ABCA12: variants seen among roughly 807,000 people sequenced by gnomAD.
ABCA12 encodes the protein glucosylceramide transporter ABCA12.
ABCA12 carries 156 observed loss-of-function variants against 293.5 expected under a neutral mutation model. The observed-to-expected ratio is 0.53, with a 90% CI of 0.47 to 0.61. ABCA12 has a LOEUF of 0.61. ABCA12 is among the 20% of genes least tolerant of loss of function. ABCA12 has a pLI of 0.00. For missense variants in ABCA12, 2,797 were observed against 3,090.2 expected, an observed-to-expected ratio of 0.91 and a Z score of 2.25; for synonymous variants, 1,063 against 1,108.0, an observed-to-expected ratio of 0.96 and a Z score of 0.81.
chr2:215,063,792 T>C (rs1002237907), intron 3 of ABCA12, among the ~76,000 whole-genome samples: 2 of 151,928 alleles, frequency 1.3e-5, no homozygotes, highest in Non-Finnish European at 2.9e-5. Context: ...TAAGGTTGGA[T>C]AGAGAATCTT....
At chr2:214,999,749 G>A in intron 22 of ABCA12, 1 of 966,418 alleles carries the variant, frequency 1.0e-6, no homozygotes, top group Non-Finnish European at 1.2e-6. Flanking sequence ...CTCCACAATA[G>A]CCAGCTAACC....
chr2:215,017,908 A>T, intron 14 of ABCA12, 100 bp downstream of exon 14: 1 of 1,535,276 alleles, frequency 6.5e-7, no homozygotes, highest in East Asian at 2.3e-5. Context: ...CCAGATTAGC[A>T]TGCAACTTCT....
chr2:214,959,046 C>T lies in ABCA12; in HGVS notation c.5917G>A (p.Val1973Met), dbSNP rs1381970337. The T allele has an allele frequency of 2.5e-6, 4 of 1,613,884 alleles. No individual in the cohort carries two copies. Among genetic ancestry groups the T allele is most frequent in the Non-Finnish European group, 3.4e-6 (4 of 1,179,806 alleles). ...TACGTGGCTTGTTCTTGGTCTTGCA[C>T]TCCTGGATAAGGATGGCTATACATG... ...IIMYSHPYPG[V>M]QDQEQATISS... Residue 1973 changes from valine (V) to methionine (M), a missense_variant, in exon 40 of 53, where the codon GTG (valine) becomes ATG (methionine). By Grantham distance (21) the Val-to-Met change is conservative (BLOSUM62 1). Around this residue, in one of 3 missense-constraint regions of ABCA12, gnomAD observed 2,130 missense variants for 2,427.0 expected, o/e 0.88. Transcript: ENST00000272895.
Position 215,015,679 on chromosome 2 carries a change from G to A in ABCA12, c.1783-16C>T. 1 of 1,611,662 alleles carries A rather than the reference G, an allele frequency of 6.2e-7. No individual in the cohort carries two copies. The highest frequency in any genetic ancestry group is 1.3e-5 in the African/African-American group (1 of 74,984). ...GAGAAATAATCTGCAAATGGAGGAA[G>A]AAAAATATTTCAACTGTGAATCATT... On this transcript the variant is annotated splice_polypyrimidine_tract_variant and intron_variant, in intron 14 of 52. Transcript: ENST00000272895.
At chr2:215,124,204 A>G (rs1244561860) in intron 1 of ABCA12, among the ~76,000 whole-genome samples, 1 of 152,132 alleles carries the variant, frequency 6.6e-6, no homozygotes, top group Non-Finnish European at 1.5e-5. Context: ...CAATTTTGCA[A>G]TTGTGCATTG....
intron 50 of ABCA12, among the ~76,000 whole-genome samples, chr2:214,941,295 G>C (rs1698393455): frequency 6.6e-6 from 1 of 152,158 alleles, no homozygotes. Context: ...TCTTAAATTT[G>C]ATTGCACTGT....
chr2:214,982,456 T>TAGTG, intron 29 of ABCA12, 73 bp from the exon 30 acceptor site: 2 of 1,204,418 alleles, frequency 1.7e-6, no homozygotes, highest in Non-Finnish European at 2.4e-6. Context: ...ACAATAACCC[T>TAGTG]AATTGATATG....
chr2:214,960,541 T>C (rs944585127), intron 39 of ABCA12: 4 of 152,162 alleles, frequency 2.6e-5, no homozygotes, highest in Non-Finnish European at 4.4e-5. Context: ...ATCATAATTA[T>C]CTCTGTAGGT....
chr2:214,934,876 C>G (rs1334796469), intron 51 of ABCA12, among the ~76,000 whole-genome samples: 1 of 152,046 alleles, frequency 6.6e-6, no homozygotes, highest in Admixed American at 6.6e-5. Context: ...AACCTTTTCT[C>G]TCTATTTGCA....
chr2:214,950,843 G>T (rs753056854), intron 45 of ABCA12, 36 bp downstream of exon 45: 2 of 1,596,284 alleles, frequency 1.3e-6, no homozygotes, highest in Non-Finnish European at 1.7e-6. Flanking sequence ...GTATGCCAAT[G>T]AAAAGGACAG....
chr2:215,048,420 T>A (rs1701246472), intron 6 of ABCA12, among the ~76,000 whole-genome samples: 1 of 150,624 alleles, frequency 6.6e-6, no homozygotes, highest in South Asian at 2.1e-4. Flanking sequence ...AATCAGCCGG[T>A]GCAGTGGCTC....
chr2:215,089,323 A>T (rs1315276472), intron 2 of ABCA12, among the ~76,000 whole-genome samples: 1 of 152,134 alleles, frequency 6.6e-6, no homozygotes, highest in East Asian at 1.9e-4. Flanking sequence ...CGTCAAAAGG[A>T]AAAGCATTAC....
intron 1 of ABCA12, among the ~76,000 whole-genome samples, chr2:215,128,207 C>T (rs1287948430): frequency 6.6e-6 from 1 of 152,142 alleles, no homozygotes; most frequent in Non-Finnish European, 1.5e-5. Context: ...TTACCTGGTG[C>T]TTCTGTCTCA....
In ABCA12 at chr2:215,119,172, TG is replaced by T. The variant is rs550835503; in HGVS notation, c.70-7483del. Reference sequence around the variant, plus strand: ...TTTTAGTAGAGACAGGGTTTCACCATGTTGACCAGGCTGGTCTTGAACTCTT... The same window carrying T: ...TTTTAGTAGAGACAGGGTTTCACCATTTGACCAGGCTGGTCTTGAACTCTT... On this transcript the variant is annotated intron_variant, in intron 1 of 52. Coordinates refer to ENST00000272895, the MANE Select transcript of ABCA12 (RefSeq NM_173076.3). Among the ~76,000 whole-genome samples the T allele has an allele frequency of 4.2e-4, 64 of 152,260 alleles. No individual in the cohort carries two copies. The Middle Eastern group carries it at 0.017, about 40-fold the overall frequency.
In ABCA12 at chr2:214,931,574, T is replaced by TC. The variant is rs1698057392; in HGVS notation, c.*1059dup. 7.7e-6 allele frequency: 1 copy of TC among 129,872 alleles called. No individual in the cohort carries two copies. Among genetic ancestry groups the TC allele is most frequent in the Non-Finnish European group, 1.8e-5 (1 of 55,004 alleles). The allele number at this position is 129,872 out of a possible 1,614,324, so 8.0% of individuals were successfully genotyped here. ...TTCTAAACTTTGAGTTTATTGGTTT[T>TC]CGAGACAAACAGTCATGCCAAAGCT... On this transcript the variant is annotated 3_prime_UTR_variant, in exon 53 of 53. Transcript: ENST00000272895.
At chr2:215,043,457 TG>T (rs112602071) in intron 7 of ABCA12, among the ~76,000 whole-genome samples, 12,907 of 152,184 alleles carry the variant, frequency 0.085, 1,537 homozygotes, top group African/African-American at 0.27. Context: ...GATCAGAGGT[TG>T]TTGTTAAAAT....
chr2:215,025,862 C>T (rs2106022634), intron 10 of ABCA12, 83 bp from the exon 11 acceptor site: 1 of 911,038 alleles, frequency 1.1e-6, no homozygotes, highest in Admixed American at 2.0e-5. Context: ...TCTATCCTGA[C>T]TTATTACTAA....
chr2:214,948,664 C>G lies in ABCA12; in HGVS notation c.7036G>C (p.Val2346Leu). The change falls in exon 47 of 53, where the codon GTA becomes CTA. Residue 2346 changes from valine (V) to leucine (L), a missense_variant. Transcript: ENST00000272895. ...CPQEDALDDL[V>L]TVEEHLYFYA... ...AAATACAAATGTTCTTCCACAGTTA[C>G]CAGGTCATCTAAGGCATCTTCCTGA... The G allele has an allele frequency of 1.2e-6, 2 of 1,614,080 alleles. No homozygotes were observed. The highest frequency in any genetic ancestry group is 1.7e-6 in the Non-Finnish European group (2 of 1,179,962).
Position 215,017,993 on chromosome 2 carries a change from C to T in ABCA12, c.1782+15G>A, listed in dbSNP as rs780480119. ...TCTAAGAACTGCATGTAAGTACAAA[C>T]ACATGACACCCCACCTCAGCTCTAT... On this transcript the variant is annotated intron_variant, in intron 14 of 52. Coordinates refer to ENST00000272895, the MANE Select transcript of ABCA12 (RefSeq NM_173076.3). 1.2e-6 allele frequency: 2 copies of T among 1,614,052 alleles called. No individual in the cohort carries two copies. Among genetic ancestry groups the T allele is most frequent in the Admixed American group, 1.7e-5 (1 of 60,014 alleles).
Sources: gnomAD v4.1 joint callset for allele counts (sites outside exome capture counted in the v4.1 genomes callset) on GRCh38, gnomAD v4.1.1 for gene constraint, gnomAD v4.1.1 regional missense constraint, MANE v1.5 for transcripts, NCBI Gene and HGNC (gene_info 2026-07-23, HGNC 2026-07-21) for gene names.